The following NTN1 variants were observed in gnomAD, a reference collection of about 807,000 sequenced individuals.
NTN1 encodes netrin 1.
NTN1 carries 11 observed loss-of-function variants against 54.2 expected under a neutral mutation model. That is an observed-to-expected ratio of 0.20 (90% CI 0.13 to 0.34). NTN1 has a LOEUF of 0.34. Among genes scored for constraint, NTN1 ranks in the 10% least tolerant of loss-of-function variants. The probability of loss-of-function intolerance (pLI) is 1.00; values close to 1 mark genes in which losing one functional copy is unlikely to be tolerated. For missense variants in NTN1, 740 were observed against 893.1 expected, an observed-to-expected ratio of 0.83 and a Z score of 2.18; for synonymous variants, 371 against 382.0, an observed-to-expected ratio of 0.97 and a Z score of 0.33.
chr17:9,013,035 G>A, the NTN1 span, among the ~76,000 whole-genome samples: 1 of 151,992 alleles, frequency 6.6e-6, no homozygotes, highest in Non-Finnish European at 1.5e-5. Flanking sequence ...AATGACTGGT[G>A]TATGGTGTGT....
intron 2 of NTN1, among the ~76,000 whole-genome samples, chr17:9,131,115 G>A (rs2092263574): frequency 6.6e-6 from 1 of 152,154 alleles, no homozygotes; most frequent in African/African-American, 2.4e-5. Flanking sequence ...CTCCTGACAA[G>A]CATGCTACTC....
At position 9,220,100 on chromosome 17, in the gene NTN1, G is replaced by A. The variant is rs1255239801; in HGVS notation, c.1412-1068G>A. On this transcript the variant is annotated intron_variant, in intron 5 of 6. Coordinates refer to ENST00000173229, the MANE Select transcript of NTN1 (RefSeq NM_004822.3). ...TGAGCTCACCTCTGCTCACACTGAG[G>A]GGGAATCTGTCAGAGTATCGCCTAA... 2.0e-5 allele frequency among the ~76,000 whole-genome samples: 3 copies of A among 152,208 alleles called. No homozygotes were observed. The East Asian group carries it at 5.8e-4, about 29-fold the overall frequency.
At position 9,083,723 on chromosome 17, in the gene NTN1, G is replaced by A. The variant is rs1416456902; in HGVS notation, c.1018+60332G>A. ...ATATTGAGACCACGAAGGCATAGAG[G>A]ACATAGAAGGACAGGTAGAAGACAC... On this transcript the variant is annotated intron_variant, in intron 2 of 6. Transcript: ENST00000173229. 2.6e-5 allele frequency among the ~76,000 whole-genome samples: 4 copies of A among 152,290 alleles called. No individual in the cohort carries two copies. In the South Asian group the frequency reaches 8.3e-4, roughly 32 times the overall value.
intron 2 of NTN1, among the ~76,000 whole-genome samples, chr17:9,074,357 G>A (rs2092042313): frequency 6.6e-6 from 1 of 152,180 alleles, no homozygotes; most frequent in East Asian, 1.9e-4. Flanking sequence ...CGTGGCCTTG[G>A]GCTGAACTCC....
rs1360334946 is a variant in NTN1, at chr17:9,070,725, G to A, written c.1018+47334G>A. ...TCCTGCCTCAGCCTCCTGAGTAGCT[G>A]GGATTACAGGCACCTGCCACCATGC... On this transcript the variant is annotated intron_variant, in intron 2 of 6. Transcript: ENST00000173229. Among the ~76,000 whole-genome samples, 4 of 152,258 alleles carry A rather than the reference G, an allele frequency of 2.6e-5. No individual in the cohort carries two copies. In the East Asian group the frequency reaches 7.7e-4, roughly 29 times the overall value.
At chr17:9,128,147 T>TAAATAAATA (rs201088079) in intron 2 of NTN1, among the ~76,000 whole-genome samples, 2 of 147,124 alleles carry the variant, frequency 1.4e-5, no homozygotes, top group Admixed American at 6.8e-5. Context: ...AATAAATAAA[T>TAAATAAATA]AATAATAATA....
intron 6 of NTN1, among the ~76,000 whole-genome samples, chr17:9,236,097 T>C (rs1272406529): frequency 7.0e-6 from 1 of 142,454 alleles, no homozygotes; most frequent in African/African-American, 2.6e-5. Flanking sequence ...ATTCTCACAC[T>C]GGATATCAAG....
At chr17:9,104,492 C>A (rs2092159772) in intron 2 of NTN1, among the ~76,000 whole-genome samples, 1 of 152,136 alleles carries the variant, frequency 6.6e-6, no homozygotes, top group Non-Finnish European at 1.5e-5. Flanking sequence ...TGCTTCGGGG[C>A]CTGGGAAGGA....
At chr17:9,188,789 C>T (rs1904362108) in intron 5 of NTN1, among the ~76,000 whole-genome samples, 1 of 152,164 alleles carries the variant, frequency 6.6e-6, no homozygotes, top group Admixed American at 6.5e-5. Flanking sequence ...AGGGAGGCTT[C>T]AGTGCTCTTG....
chr17:9,133,014 C>G (rs2092270392), intron 2 of NTN1, among the ~76,000 whole-genome samples: 1 of 152,166 alleles, frequency 6.6e-6, no homozygotes, highest in Admixed American at 6.5e-5. Flanking sequence ...CCAAAACCTT[C>G]CACGGACTGT....
At chr17:9,203,416 C>T (rs913609766) in intron 5 of NTN1, among the ~76,000 whole-genome samples, 10 of 152,132 alleles carry the variant, frequency 6.6e-5, no homozygotes, top group Admixed American at 4.6e-4. Flanking sequence ...TCTATCATAC[C>T]TTCCAAAGAA....
intron 2 of NTN1, among the ~76,000 whole-genome samples, chr17:9,062,385 A>G (rs1473432341): frequency 1.3e-5 from 2 of 152,222 alleles, no homozygotes; most frequent in African/African-American, 4.8e-5. Context: ...GCTTGAACTT[A>G]GACCCTTTCT....
chr17:9,137,167 T>G (rs1388792580), intron 2 of NTN1, among the ~76,000 whole-genome samples: 1 of 152,226 alleles, frequency 6.6e-6, no homozygotes, highest in Non-Finnish European at 1.5e-5. Flanking sequence ...AAATAGTCTC[T>G]GCATTTCATC....
chr17:9,018,358 G>A (rs564140683), upstream of NTN1, among the ~76,000 whole-genome samples: 9 of 152,200 alleles, frequency 5.9e-5, no homozygotes, highest in Middle Eastern at 3.4e-3. Flanking sequence ...TAGGCTGGGC[G>A]CGGTGGCTCA....
At position 9,239,641 on chromosome 17, in the gene NTN1, C is replaced by T; in HGVS notation, c.1488C>T (p.Ala496=). ...NMKKYCKKDY[A]VQIHILKADK... Reference sequence around the variant, plus strand: ...CCGTCTGCCTGTGCTTCCTTGCAGCCGTCCAGATCCACATCCTGAAGGCGG... The same window carrying T: ...CCGTCTGCCTGTGCTTCCTTGCAGCTGTCCAGATCCACATCCTGAAGGCGG... The change falls in exon 7 of 7, where the codon GCC becomes GCT. Residue 496 remains alanine (A), a splice_region_variant and synonymous_variant. Transcript: ENST00000173229. This position sits in a 1 kb window ranked among gnomAD's most constrained non-coding sequence, Gnocchi z 5.2. 10 of 1,602,482 alleles carry T rather than the reference C, an allele frequency of 6.2e-6. No individual in the cohort carries two copies. The highest frequency in any genetic ancestry group is 7.7e-6 in the Non-Finnish European group (9 of 1,170,334).
intron 2 of NTN1, among the ~76,000 whole-genome samples, chr17:9,062,428 A>G (rs987365310): frequency 4.6e-5 from 7 of 152,274 alleles, no homozygotes; most frequent in Non-Finnish European, 1.0e-4. Flanking sequence ...ATTGAGCCAG[A>G]ATGTTACTCG....
chr17:9,212,799 G>A lies in NTN1; in HGVS notation c.1412-8369G>A, dbSNP rs1042133220. ...AGAAGCAGAGCGGCAGAGGTGTTGC[G>A]AGCGAGTGGGCCAGGGCTGCTGAGA... On this transcript the variant is annotated intron_variant, in intron 5 of 6. Coordinates refer to ENST00000173229, the MANE Select transcript of NTN1 (RefSeq NM_004822.3). The surrounding 1 kb of genome is among the most constrained non-coding windows in gnomAD (Gnocchi z 5.5). Among the ~76,000 whole-genome samples the A allele has an allele frequency of 2.6e-5, 4 of 152,320 alleles. 1 individual carries two copies. The highest frequency in any genetic ancestry group is 4.1e-4 in the South Asian group (2 of 4,828).
chr17:9,230,503 G>A lies in NTN1; in HGVS notation c.1487-9137G>A, dbSNP rs1297962957. The stretch of plus-strand genomic sequence containing the variant: ...AGGCCAGATGTGGAGCTGGGCCCGC[G>A]TGAGTCAGTCTGAGGTCGTGGAATG... On this transcript the variant is annotated intron_variant, in intron 6 of 6. Coordinates refer to ENST00000173229, the MANE Select transcript of NTN1 (RefSeq NM_004822.3). Among the ~76,000 whole-genome samples, 3 of 150,740 alleles carry A rather than the reference G, an allele frequency of 2.0e-5. No homozygotes were observed. In the East Asian group the frequency reaches 5.8e-4, roughly 29 times the overall value.
At chr17:9,114,560 C>G (rs532866355) in intron 2 of NTN1, among the ~76,000 whole-genome samples, 222 of 151,914 alleles carry the variant, frequency 1.5e-3, no homozygotes, top group Non-Finnish European at 1.2e-3. Context: ...CGAGACCAGC[C>G]TGGCCAACAT....
Sources: allele counts gnomAD v4.1 joint callset (sites outside exome capture counted in the v4.1 genomes callset), GRCh38; gene constraint gnomAD v4.1.1; non-coding constraint Gnocchi (gnomAD v3.1); transcripts MANE v1.5; gene names NCBI Gene and HGNC (gene_info 2026-07-23, HGNC 2026-07-21).